The following SPATA17 variants were observed in gnomAD, a reference collection of about 807,000 sequenced individuals.
SPATA17 encodes the protein spermatogenesis-associated protein 17.
Under a neutral mutation model 62.2 loss-of-function variants are expected in SPATA17, and 53 were observed. The observed-to-expected ratio is 0.85, with a 90% confidence interval of 0.68 to 1.07. The LOEUF (loss-of-function observed/expected upper bound fraction) is 1.07. Ranked by LOEUF, SPATA17 falls within the 50% of genes least tolerant of loss-of-function variation. The pLI, the probability that SPATA17 is intolerant of heterozygous loss-of-function variation, is 0.00. For synonymous variants in SPATA17, 146 were observed against 146.8 expected (o/e 0.99, Z 0.04); for missense variants, 466 against 425.5 (o/e 1.10, Z -0.84).
intron 5 of SPATA17, among the ~76,000 whole-genome samples, chr1:217,714,732 G>A (rs377440255): frequency 5.9e-5 from 9 of 151,904 alleles, no homozygotes; most frequent in Middle Eastern, 3.4e-3. Flanking sequence ...TGATCCGCCC[G>A]CCTCGGCCTC....
chr1:217,640,527 G>T (rs1670037634), intron 1 of SPATA17, among the ~76,000 whole-genome samples: 1 of 151,772 alleles, frequency 6.6e-6, no homozygotes, highest in African/African-American at 2.4e-5. Context: ...TTTTTCTATT[G>T]GCCTCATAAA....
intron 5 of SPATA17, among the ~76,000 whole-genome samples, chr1:217,685,458 G>C (rs1195984418): frequency 6.6e-6 from 1 of 152,108 alleles, no homozygotes; most frequent in Non-Finnish European, 1.5e-5. Flanking sequence ...TTTTATTTTA[G>C]AGTGGTATTC....
intron 9 of SPATA17, among the ~76,000 whole-genome samples, chr1:217,842,843 A>G (rs905261303): frequency 1.3e-5 from 2 of 151,976 alleles, no homozygotes; most frequent in African/African-American, 4.8e-5. Flanking sequence ...TATTTAAATG[A>G]TTTATTTTCA....
At chr1:217,806,534 T>G (rs1674439563) in intron 9 of SPATA17, among the ~76,000 whole-genome samples, 1 of 152,154 alleles carries the variant, frequency 6.6e-6, no homozygotes, top group Admixed American at 6.5e-5. Flanking sequence ...CAATCGGCCT[T>G]AATTCTTTTC....
At chr1:217,667,382 A>G (rs186902501) in intron 3 of SPATA17, among the ~76,000 whole-genome samples, 2 of 152,234 alleles carry the variant, frequency 1.3e-5, no homozygotes, top group East Asian at 3.9e-4. Context: ...CATACTTTTA[A>G]CTACAAAATG....
intron 7 of SPATA17, among the ~76,000 whole-genome samples, chr1:217,780,415 G>A (rs1337184082): frequency 6.6e-6 from 1 of 152,136 alleles, no homozygotes; most frequent in Non-Finnish European, 1.5e-5. Context: ...GAAGGTGGGA[G>A]TGAACCCAAA....
At chr1:217,648,253 A>G (rs1376532292) in intron 1 of SPATA17, among the ~76,000 whole-genome samples, 1 of 152,156 alleles carries the variant, frequency 6.6e-6, no homozygotes, top group African/African-American at 2.4e-5. Context: ...TTTACACTTA[A>G]TCTACACTTT....
chr1:217,659,181 C>T (rs1377935610), intron 3 of SPATA17, among the ~76,000 whole-genome samples: 1 of 143,480 alleles, frequency 7.0e-6, no homozygotes, highest in Non-Finnish European at 1.5e-5. Context: ...AGACTTTGCC[C>T]ATCAAAACAC....
chr1:217,808,791 G>C (rs1029179235), intron 9 of SPATA17, among the ~76,000 whole-genome samples: 7 of 151,466 alleles, frequency 4.6e-5, no homozygotes, highest in Non-Finnish European at 2.9e-5. Flanking sequence ...GGAAGCAGAG[G>C]TTGCAGTGAG....
At chr1:217,698,524 TAA>T in intron 5 of SPATA17, among the ~76,000 whole-genome samples, 1 of 147,746 alleles carries the variant, frequency 6.8e-6, no homozygotes, top group Admixed American at 6.8e-5. Flanking sequence ...TCTTTCCTTT[TAA>T]AAAAAAAAGT....
chr1:217,662,829 C>T (rs7547327), intron 3 of SPATA17, among the ~76,000 whole-genome samples: 7,728 of 151,982 alleles, frequency 0.051, 634 homozygotes, highest in African/African-American at 0.17. Flanking sequence ...GAGAAAATGC[C>T]CAATATTTTT....
intron 4 of SPATA17, among the ~76,000 whole-genome samples, chr1:217,674,685 T>C (rs950599339): frequency 6.6e-6 from 1 of 152,200 alleles, no homozygotes; most frequent in African/African-American, 2.4e-5. Flanking sequence ...TTAGTTCTTT[T>C]AGTTCTGCCA....
At chr1:217,702,182 T>C (rs1190523659) in intron 5 of SPATA17, among the ~76,000 whole-genome samples, 2 of 152,168 alleles carry the variant, frequency 1.3e-5, no homozygotes, top group East Asian at 3.8e-4. Flanking sequence ...CTTTTTTAAC[T>C]AACTTAACAT....
intron 6 of SPATA17, among the ~76,000 whole-genome samples, chr1:217,772,956 G>C (rs1253004460): frequency 6.6e-6 from 1 of 151,668 alleles, no homozygotes; most frequent in African/African-American, 2.4e-5. Flanking sequence ...CATTTGGGAT[G>C]GGATGTTGCA....
chr1:217,745,465 C>T (rs1259938236), intron 6 of SPATA17, among the ~76,000 whole-genome samples: 3 of 152,118 alleles, frequency 2.0e-5, no homozygotes, highest in South Asian at 2.1e-4. Flanking sequence ...TCCTTATATC[C>T]CAACAGATTT....
At chr1:217,720,421 A>AGGG (rs1422330068) in intron 5 of SPATA17, among the ~76,000 whole-genome samples, 1 of 152,168 alleles carries the variant, frequency 6.6e-6, no homozygotes, top group Non-Finnish European at 1.5e-5. Context: ...ATTTTGAGCA[A>AGGG]TGAGATCTGC....
chr1:217,865,000 T>C (rs1229180500), intron 10 of SPATA17, among the ~76,000 whole-genome samples: 1 of 152,200 alleles, frequency 6.6e-6, no homozygotes, highest in East Asian at 1.9e-4. Context: ...AACAATTTTG[T>C]GAATTGACAA....
chr1:217,649,338 G>T (rs941074602), intron 2 of SPATA17, among the ~76,000 whole-genome samples: 3 of 152,026 alleles, frequency 2.0e-5, no homozygotes, highest in Non-Finnish European at 2.9e-5. Flanking sequence ...AATTAGCCGG[G>T]CATGGTGGTG....
intron 8 of SPATA17, among the ~76,000 whole-genome samples, chr1:217,785,851 GAC>G (rs953340901): frequency 1.3e-5 from 2 of 151,926 alleles, no homozygotes; most frequent in African/African-American, 4.8e-5. Context: ...TAATAATAAA[GAC>G]ATGGAAAATA....
Sources: gnomAD v4.1 joint callset for allele counts (sites outside exome capture counted in the v4.1 genomes callset) on GRCh38, gnomAD v4.1.1 for gene constraint, MANE v1.5 for transcripts, NCBI Gene and HGNC (gene_info 2026-07-23, HGNC 2026-07-21) for gene names.